UBN2: variants seen among roughly 807,000 people sequenced by gnomAD.
UBN2 encodes ubinuclein-2.
A neutral mutation model predicts 120.2 loss-of-function variants in UBN2; 35 were observed. That is an observed-to-expected ratio of 0.29 (90% CI 0.22 to 0.39). UBN2 has a LOEUF of 0.39. UBN2 is among the 10% of genes least tolerant of loss of function. The pLI is 1.00. For synonymous variants in UBN2, 661 were observed against 648.7 expected, an observed-to-expected ratio of 1.02 and a Z score of -0.29; for missense variants, 1,693 against 1,663.2, an observed-to-expected ratio of 1.02 and a Z score of -0.31.
chr7:139,283,835 C>T lies in UBN2; in HGVS notation c.2930C>T (p.Pro977Leu). Reference protein sequence around the residue: ...SSSLIKTSDKPLMYRLPLSTP... With the variant: ...SSSLIKTSDKLLMYRLPLSTP... ...TCACTTATTAAGACTTCAGATAAGC[C>T]ACTTATGTACCGCCTTCCCTTATCT... The change falls in exon 15 of 18, where the codon CCA becomes CTA. Residue 977 changes from proline to leucine, a missense_variant. Physicochemically the swap from Pro to Leu is moderately conservative, Grantham distance 98. Transcript: ENST00000473989. 1 of 1,614,130 alleles carries T rather than the reference C, an allele frequency of 6.2e-7. No homozygotes were observed. The highest frequency in any genetic ancestry group is 8.5e-7 in the Non-Finnish European group (1 of 1,180,028).
At chr7:139,293,522 C>A in intron 16 of UBN2, 59 bp downstream of exon 16, 10 of 1,353,434 alleles carry the variant, frequency 7.4e-6, no homozygotes, top group South Asian at 1.2e-5. Context: ...GGAAACCTCA[C>A]AAATTTATTC....
At chr7:139,233,595 C>T (rs917140865) in intron 1 of UBN2, among the ~76,000 whole-genome samples, 1 of 152,104 alleles carries the variant, frequency 6.6e-6, no homozygotes, top group African/African-American at 2.4e-5. Flanking sequence ...TTTATTAGTA[C>T]TTCTTTCCAT....
At chr7:139,241,843 C>A (rs1025989906) in intron 2 of UBN2, among the ~76,000 whole-genome samples, 3 of 152,054 alleles carry the variant, frequency 2.0e-5, no homozygotes, top group Non-Finnish European at 4.4e-5. Context: ...ACTAAAAATA[C>A]AAAAATTAGC....
intron 15 of UBN2, among the ~76,000 whole-genome samples, chr7:139,284,866 T>C (rs973921322): frequency 1.3e-5 from 2 of 152,170 alleles, no homozygotes; most frequent in Admixed American, 6.5e-5. Flanking sequence ...AAATCAACTT[T>C]AAAATTATTT....
At position 139,266,333 on chromosome 7, in the gene UBN2, G is replaced by T; in HGVS notation, c.1396G>T (p.Ala466Ser). The change falls in exon 7 of 18, where the codon GCT (alanine) becomes TCT (serine). Residue 466 changes from alanine (A) to serine (S), a missense_variant and splice_region_variant. Ala to Ser is a moderately conservative substitution (Grantham distance 99). Around this residue, in one of 5 missense-constraint regions of UBN2, gnomAD observed 178 missense variants for 204.0 expected, o/e 0.87. Transcript: ENST00000473989. ...LEKRIEDLRVAAKLFDEEGRK... is the reference protein window; with the variant it reads ...LEKRIEDLRVSAKLFDEEGRK... ...ATTATCATCTTTCTTGTTTCTTTAG[G>T]CTGCCAAACTTTTTGATGAAGAAGG... The T allele has an allele frequency of 6.3e-7, 1 of 1,578,526 alleles. No individual in the cohort carries two copies.
intron 15 of UBN2, among the ~76,000 whole-genome samples, chr7:139,286,499 A>G (rs774444627): frequency 2.6e-5 from 4 of 152,174 alleles, no homozygotes; most frequent in Non-Finnish European, 5.9e-5. Context: ...TTTCCCCTGA[A>G]AGTAATGTAT....
At chr7:139,266,514 T>G in intron 7 of UBN2, 111 bp downstream of exon 7, 1 of 584,202 alleles carries the variant, frequency 1.7e-6, no homozygotes, top group Non-Finnish European at 3.1e-6. Flanking sequence ...TTCTTCCCCT[T>G]AAGCCTTACA....
chr7:139,277,458 A>G (rs1192791478), intron 12 of UBN2: 1 of 152,228 alleles, frequency 6.6e-6, no homozygotes, highest in Non-Finnish European at 1.5e-5. Context: ...ACAATAAAGT[A>G]AGCTAAAGAA....
Position 139,291,630 on chromosome 7 carries a change from C to T in UBN2, c.3670-1602C>T, listed in dbSNP as rs145329958. 6.6e-3 allele frequency among the ~76,000 whole-genome samples: 1,000 copies of T among 152,048 alleles called. 7 individuals carry two copies. The highest frequency in any genetic ancestry group is 0.01 in the Non-Finnish European group (704 of 67,990). On this transcript the variant is annotated intron_variant, in intron 15 of 17. Coordinates refer to ENST00000473989, the MANE Select transcript of UBN2 (RefSeq NM_173569.4). ...CTTTGGAAGGCCTAGGTGTGAGGATCGCTGGAGCCCAGAAGTTGGAGGCTA... is the reference window on the plus strand; with the variant it reads ...CTTTGGAAGGCCTAGGTGTGAGGATTGCTGGAGCCCAGAAGTTGGAGGCTA...
At chr7:139,308,983 T>A (rs1798409960), downstream of UBN2, among the ~76,000 whole-genome samples, 1 of 151,998 alleles carries the variant, frequency 6.6e-6, no homozygotes, top group Non-Finnish European at 1.5e-5. Context: ...GACAGGAGAA[T>A]CGCTTAAACC....
the UBN2 span, among the ~76,000 whole-genome samples, chr7:139,316,365 G>C: frequency 6.6e-6 from 1 of 152,108 alleles, no homozygotes; most frequent in Admixed American, 6.6e-5. Context: ...TTTTAAACTT[G>C]TTAGAACTTT....
At position 139,266,366 on chromosome 7, in the gene UBN2, A is replaced by C; in HGVS notation, c.1429A>C (p.Lys477Gln). Residue 477 changes from lysine (K) to glutamine (Q), a missense_variant, in exon 7 of 18, where the codon AAA (lysine) becomes CAA (glutamine). Transcript: ENST00000473989. ...ACTTTTTGATGAAGAAGGAAGGAAA[A>C]AATTCTTTACACAGGATATGAATAA... is the stretch of plus-strand genomic sequence containing the variant. ...AKLFDEEGRK[K>Q]FFTQDMNNIL... 1.3e-6 allele frequency: 2 copies of C among 1,582,882 alleles called. No individual in the cohort carries two copies. The highest frequency in any genetic ancestry group is 1.7e-6 in the Non-Finnish European group (2 of 1,159,612).
chr7:139,272,493 G>A (rs899062773), intron 9 of UBN2, 53 bp downstream of exon 9: 38 of 1,182,802 alleles, frequency 3.2e-5, no homozygotes, highest in African/African-American at 1.1e-4. Flanking sequence ...GTGTATGTAC[G>A]TTATGTATGT....
chr7:139,259,122 T>C, intron 4 of UBN2, 145 bp from the exon 5 acceptor site: 13 of 1,271,742 alleles, frequency 1.0e-5, no homozygotes, highest in Non-Finnish European at 1.4e-5. Flanking sequence ...GAGAGTGCTC[T>C]TGAACCCCAA....
At chr7:139,321,011 T>A in the UBN2 span, among the ~76,000 whole-genome samples, 1 of 152,206 alleles carries the variant, frequency 6.6e-6, no homozygotes, top group Admixed American at 6.5e-5. Context: ...CTGCAGTGCA[T>A]CAGGTATCCT....
the UBN2 span, among the ~76,000 whole-genome samples, chr7:139,325,105 A>G: frequency 6.6e-6 from 1 of 152,130 alleles, no homozygotes; most frequent in Admixed American, 6.5e-5. Flanking sequence ...TTTTCAAAAT[A>G]TGTGTTTCAT....
At chr7:139,232,003 G>A in intron 1 of UBN2, 51 bp downstream of exon 1, 6 of 1,542,058 alleles carry the variant, frequency 3.9e-6, no homozygotes, top group African/African-American at 1.4e-5. Context: ...CTCAGGACCC[G>A]CCGCCTTCCC....
intron 13 of UBN2, 24 bp from the exon 14 acceptor site, chr7:139,281,981 C>T (rs1344982212): frequency 2.5e-6 from 4 of 1,610,520 alleles, no homozygotes; most frequent in African/African-American, 2.7e-5. Context: ...GTATTCTTAA[C>T]AGCTTGCTTA....
the UBN2 span, among the ~76,000 whole-genome samples, chr7:139,327,685 C>T: frequency 6.6e-6 from 1 of 152,172 alleles, no homozygotes; most frequent in Non-Finnish European, 1.5e-5. Context: ...AACATATGAA[C>T]TTTGGGGAAT....
Sources: allele counts gnomAD v4.1 joint callset (sites outside exome capture counted in the v4.1 genomes callset), GRCh38; gene constraint gnomAD v4.1.1; regional missense constraint gnomAD v4.1.1; transcripts MANE v1.5; gene names NCBI Gene and HGNC (gene_info 2026-07-23, HGNC 2026-07-21).